The following THSD1 variants were observed in gnomAD, a reference collection of about 807,000 sequenced individuals.
THSD1 encodes thrombospondin type-1 domain-containing protein 1.
A neutral mutation model predicts 46.3 loss-of-function variants in THSD1; 34 were observed. That is an observed-to-expected ratio of 0.74 (90% confidence interval 0.56 to 0.98). THSD1 has a LOEUF of 0.98. THSD1 is among the 50% of genes least tolerant of loss of function. THSD1 has a pLI of 0.00. For missense variants in THSD1, 1,023 were observed against 1,058.3 expected, an observed-to-expected ratio of 0.97 and a Z score of 0.46; for synonymous variants, 407 against 416.5, an observed-to-expected ratio of 0.98 and a Z score of 0.28.
rs760421085 is a variant in THSD1, at chr13:52,377,944, G to A, written c.2026C>T (p.Arg676Trp). The A allele has an allele frequency of 1.2e-6, 2 of 1,614,172 alleles. No individual in the cohort carries two copies. Among genetic ancestry groups the A allele is most frequent in the South Asian group, 1.1e-5 (1 of 91,086 alleles). Residue 676 changes from arginine (R) to tryptophan (W), a missense_variant, in exon 5 of 5, where the codon CGG (arginine) becomes TGG (tryptophan). By Grantham distance (101) the Arg-to-Trp change is moderately radical. Transcript: ENST00000258613. ...CTAGAGCTGTAGGCAGGGGCCTGCC[G>A]TGGAGTCAGAGTGGACATGCTCCTC... ...RERSMSTLTP[R>W]QAPAYSSRTR...
intron 1 of THSD1, among the ~76,000 whole-genome samples, chr13:52,403,456 T>C (rs1298245781): frequency 6.6e-6 from 1 of 152,152 alleles, no homozygotes; most frequent in East Asian, 1.9e-4. Context: ...GTGGTTCAGT[T>C]ATTTGTTGGA....
intron 4 of THSD1, among the ~76,000 whole-genome samples, chr13:52,382,900 G>T (rs1594097405): frequency 6.6e-6 from 1 of 152,014 alleles, no homozygotes; most frequent in East Asian, 1.9e-4. Context: ...TACTTGGGAG[G>T]CAGAGGCAGC....
chr13:52,401,278 A>G (rs1957858039), intron 2 of THSD1, among the ~76,000 whole-genome samples: 1 of 150,088 alleles, frequency 6.7e-6, no homozygotes, highest in Non-Finnish European at 1.5e-5. Context: ...CAGCCAGAGT[A>G]ATCGGTTTTT....
rs1313584678 is a variant in THSD1 at position 52,377,980 on chromosome 13, G to T, written c.1990C>A (p.Pro664Thr). ...GTGGACATGCTCCTCTCTCGGAACG[G>T]CCGGGCCTGCCTGGCTTCATGGAAA... ...ASFHEARQARPFRERSMSTLT... is the reference protein window; with the variant it reads ...ASFHEARQARTFRERSMSTLT... The change falls in exon 5 of 5, where the codon CCG (proline) becomes ACG (threonine). Residue 664 changes from proline (P) to threonine (T), a missense_variant. Coordinates refer to ENST00000258613, the MANE Select transcript of THSD1 (RefSeq NM_018676.4). 6.2e-7 allele frequency: 1 copy of T among 1,614,120 alleles called. No homozygotes were observed. The highest frequency in any genetic ancestry group is 1.1e-5 in the South Asian group (1 of 91,082).
chr13:52,386,081 A>T lies in THSD1; in HGVS notation c.1127T>A (p.Val376Asp). 2 of 1,614,112 alleles carry T rather than the reference A, an allele frequency of 1.2e-6. No individual in the cohort carries two copies. The highest frequency in any genetic ancestry group is 1.7e-6 in the Non-Finnish European group (2 of 1,179,990). ...GGCCTCCAAGGACATTCCAGGGCAG[A>T]CAGGACTGGAGGGGAAGGAAGTGAG... is the stretch of plus-strand genomic sequence containing the variant. ...VCLTSFPSSPVCPGMSLEASL... is the reference protein window; with the variant it reads ...VCLTSFPSSPDCPGMSLEASL... The change falls in exon 4 of 5, where the codon GTC becomes GAC. Residue 376 changes from valine (V) to aspartate (D), a missense_variant. Coordinates refer to ENST00000258613, the MANE Select transcript of THSD1 (RefSeq NM_018676.4).
intron 2 of THSD1, among the ~76,000 whole-genome samples, chr13:52,400,866 T>TA (rs1409405884): frequency 2.4e-4 from 37 of 152,248 alleles, no homozygotes; most frequent in Non-Finnish European, 5.0e-4. Context: ...ATAATTTGTT[T>TA]AAATGGAGAA....
chr13:52,381,493 T>C (rs182343452), intron 4 of THSD1, among the ~76,000 whole-genome samples: 254 of 152,322 alleles, frequency 1.7e-3, no homozygotes, highest in African/African-American at 5.9e-3. Flanking sequence ...AGCACTCTAA[T>C]AGGTCACACA....
intron 3 of THSD1, among the ~76,000 whole-genome samples, chr13:52,395,309 G>A (rs1957803159): frequency 6.6e-6 from 1 of 152,170 alleles, no homozygotes; most frequent in African/African-American, 2.4e-5. Flanking sequence ...GGGGAGAAGT[G>A]GAGAGATTGA....
intron 3 of THSD1, among the ~76,000 whole-genome samples, chr13:52,388,945 T>C (rs1286768671): frequency 6.6e-6 from 1 of 151,714 alleles, no homozygotes; most frequent in African/African-American, 2.4e-5. Flanking sequence ...TTATAAACTC[T>C]AGGACAACCA....
intron 4 of THSD1, chr13:52,384,203 AG>A (rs1332435427): frequency 0.021 from 5,909 of 278,724 alleles, 81 homozygotes; most frequent in Non-Finnish European, 0.025. Flanking sequence ...AAAAAAAAAA[AG>A]AAGAAGAAGA....
chr13:52,377,445 G>A lies in THSD1; in HGVS notation c.2525C>T (p.Thr842Ile). ...YFGSNEEDET[T>I]STLSVEKLVI ...CAGCTTCTCCACGCTAAGTGTACTT[G>A]TGGTTTCATCCTCTTCATTTGACCC... The change falls in exon 5 of 5, where the codon ACA (threonine) becomes ATA (isoleucine). Residue 842 changes from threonine to isoleucine, a missense_variant. Coordinates refer to ENST00000258613, the MANE Select transcript of THSD1 (RefSeq NM_018676.4). 1 of 1,542,964 alleles carries A rather than the reference G, an allele frequency of 6.5e-7. No homozygotes were observed. Among genetic ancestry groups the A allele is most frequent in the Non-Finnish European group, 8.8e-7 (1 of 1,139,716 alleles).
chr13:52,396,395 G>A (rs1450780960), intron 3 of THSD1, among the ~76,000 whole-genome samples: 2 of 152,022 alleles, frequency 1.3e-5, no homozygotes, highest in African/African-American at 2.4e-5. Flanking sequence ...GGTGGTGGGC[G>A]CCTGTAGTCC....
In THSD1 at chr13:52,378,452, G is replaced by C; in HGVS notation, c.1518C>G (p.Pro506=). The C allele has an allele frequency of 6.2e-7, 1 of 1,614,160 alleles. No homozygotes were observed. The highest frequency in any genetic ancestry group is 8.5e-7 in the Non-Finnish European group (1 of 1,180,052). Residue 506 remains proline (P), a synonymous_variant, in exon 5 of 5, where the codon CCC becomes CCG. Coordinates refer to ENST00000258613, the MANE Select transcript of THSD1 (RefSeq NM_018676.4). ...LTYRRSGPVP[P]EDDASGSESF... Reference sequence around the variant, plus strand: ...TCTCGCTGCCAGAGGCATCATCCTCGGGAGGTACCGGCCCGCTCCGCCTGT... The same window carrying C: ...TCTCGCTGCCAGAGGCATCATCCTCCGGAGGTACCGGCCCGCTCCGCCTGT...
intron 4 of THSD1, among the ~76,000 whole-genome samples, chr13:52,383,052 G>A (rs560388060): frequency 2.0e-5 from 3 of 151,920 alleles, no homozygotes. Context: ...CTTGGGCTTG[G>A]ATTGTCACTC....
intron 4 of THSD1, among the ~76,000 whole-genome samples, chr13:52,380,250 C>T (rs1303166433): frequency 1.3e-5 from 2 of 152,136 alleles, no homozygotes; most frequent in Admixed American, 1.3e-4. Context: ...CTCTCTTTCC[C>T]CTTTGGTCAC....
intron 1 of THSD1, among the ~76,000 whole-genome samples, chr13:52,404,919 CTT>C (rs1957895210): frequency 2.0e-5 from 3 of 152,094 alleles, no homozygotes; most frequent in Admixed American, 1.3e-4. Context: ...TGGAAAAAGA[CTT>C]ATAAAACAGA....
At chr13:52,379,290 G>A (rs746493009) in intron 4 of THSD1, among the ~76,000 whole-genome samples, 15 of 152,090 alleles carry the variant, frequency 9.9e-5, no homozygotes, top group Non-Finnish European at 1.6e-4. Flanking sequence ...TCTTACATAT[G>A]GATTTCTGCT....
intron 1 of THSD1, 155 bp from the exon 2 acceptor site, chr13:52,402,836 T>C: frequency 1.0e-6 from 1 of 980,714 alleles, no homozygotes; most frequent in African/African-American, 1.7e-5. Flanking sequence ...CAATGACTTA[T>C]AATTATACAA....
intron 4 of THSD1, among the ~76,000 whole-genome samples, chr13:52,381,553 A>G (rs1005028655): frequency 1.3e-5 from 2 of 152,168 alleles, no homozygotes; most frequent in East Asian, 1.9e-4. Flanking sequence ...TTCTTCTGCA[A>G]TCCTCCTCTG....
Sources: allele counts gnomAD v4.1 joint callset (sites outside exome capture counted in the v4.1 genomes callset), GRCh38; gene constraint gnomAD v4.1.1; transcripts MANE v1.5; gene names NCBI Gene and HGNC (gene_info 2026-07-23, HGNC 2026-07-21).